Variants in EYA4 observed in about 807,000 individuals in gnomAD.
EYA4 encodes EYA transcriptional coactivator and phosphatase 4.
Under a neutral mutation model 87.9 loss-of-function variants are expected in EYA4, and 31 were observed. The observed-to-expected ratio is 0.35, with a 90% CI of 0.27 to 0.48. EYA4 has a LOEUF of 0.48. EYA4 is among the 20% of genes least tolerant of loss of function. EYA4 has a pLI of 0.99. For missense variants in EYA4, 678 were observed against 761.4 expected (o/e 0.89, Z 1.29); for synonymous variants, 263 against 270.6 (o/e 0.97, Z 0.28).
At chr6:133,412,954 C>T (rs1789371819) in intron 3 of EYA4, among the ~76,000 whole-genome samples, 1 of 152,186 alleles carries the variant, frequency 6.6e-6, no homozygotes, top group African/African-American at 2.4e-5. Context: ...CTCTCTTACA[C>T]TCCCTTCCAT....
At chr6:133,279,953 A>G (rs1159301891) in intron 2 of EYA4, among the ~76,000 whole-genome samples, 4 of 152,154 alleles carry the variant, frequency 2.6e-5, no homozygotes, top group African/African-American at 7.2e-5. Context: ...TTCTATTTTT[A>G]TAATGTGACA....
chr6:133,328,563 T>A (rs1781681364), intron 2 of EYA4, among the ~76,000 whole-genome samples: 1 of 152,156 alleles, frequency 6.6e-6, no homozygotes, highest in South Asian at 2.1e-4. Flanking sequence ...GAGAATAAAA[T>A]ATATGTAGAA....
At chr6:133,444,770 G>A (rs1475291191) in intron 3 of EYA4, among the ~76,000 whole-genome samples, 1 of 152,210 alleles carries the variant, frequency 6.6e-6, no homozygotes, top group Non-Finnish European at 1.5e-5. Context: ...AACACTCTCA[G>A]CAGCTATGGG....
chr6:133,253,391 A>G (rs573250919), intron 1 of EYA4, among the ~76,000 whole-genome samples: 20 of 152,148 alleles, frequency 1.3e-4, no homozygotes, highest in East Asian at 1.9e-4. Context: ...CAGAGGTTCT[A>G]TTTTTCCAAA....
intron 3 of EYA4, among the ~76,000 whole-genome samples, chr6:133,383,690 A>G (rs1786453154): frequency 6.6e-6 from 1 of 152,096 alleles, no homozygotes; most frequent in African/African-American, 2.4e-5. Context: ...AAATGATTGC[A>G]TATGGATTTT....
chr6:133,322,627 A>C (rs868277862), intron 2 of EYA4, among the ~76,000 whole-genome samples: 28 of 152,334 alleles, frequency 1.8e-4, no homozygotes, highest in Middle Eastern at 3.4e-3. Flanking sequence ...TTTTCCAAAA[A>C]ACAGCCAGAG....
intron 19 of EYA4, among the ~76,000 whole-genome samples, chr6:133,526,402 C>G (rs1365787651): frequency 6.6e-6 from 1 of 151,986 alleles, no homozygotes; most frequent in Non-Finnish European, 1.5e-5. Context: ...AAACAGTCAA[C>G]ATAGACAGTT....
At chr6:133,351,644 C>T (rs1007276046) in intron 2 of EYA4, among the ~76,000 whole-genome samples, 3 of 152,218 alleles carry the variant, frequency 2.0e-5, no homozygotes, top group Admixed American at 1.3e-4. Context: ...CAGTCCTCCA[C>T]TGCCTTTGTC....
intron 2 of EYA4, among the ~76,000 whole-genome samples, chr6:133,286,425 G>A (rs146739465): frequency 1.5e-4 from 23 of 152,292 alleles, no homozygotes; most frequent in Non-Finnish European, 3.2e-4. Flanking sequence ...AAAAGAATAA[G>A]TCTAGCTAGG....
intron 13 of EYA4, among the ~76,000 whole-genome samples, chr6:133,499,888 GA>G (rs993758628): frequency 8.9e-4 from 136 of 152,148 alleles, no homozygotes; most frequent in African/African-American, 3.0e-3. Context: ...AAGCACCACA[GA>G]GGCTTAACTC....
intron 2 of EYA4, among the ~76,000 whole-genome samples, chr6:133,309,814 G>A (rs116863045): frequency 6.6e-5 from 10 of 152,232 alleles, no homozygotes; most frequent in Admixed American, 1.3e-4. Flanking sequence ...TGTAATGTAC[G>A]GTCTGTCTGG....
intron 1 of EYA4, among the ~76,000 whole-genome samples, chr6:133,273,195 G>A (rs1582813151): frequency 6.6e-6 from 1 of 151,696 alleles, no homozygotes. Context: ...GGAGCAAGGA[G>A]AGCCAGTCCG....
intron 3 of EYA4, among the ~76,000 whole-genome samples, chr6:133,438,135 C>A (rs1791882743): frequency 6.6e-6 from 1 of 152,016 alleles, no homozygotes; most frequent in South Asian, 2.1e-4. Flanking sequence ...TTGCTGTATT[C>A]TTAGTAGCCA....
intron 14 of EYA4, among the ~76,000 whole-genome samples, chr6:133,510,928 A>C (rs897602723): frequency 6.6e-6 from 1 of 152,204 alleles, no homozygotes; most frequent in Non-Finnish European, 1.5e-5. Flanking sequence ...ATTGTGCCGT[A>C]AGTGGGGATG....
At chr6:133,398,805 A>G (rs956023811) in intron 3 of EYA4, among the ~76,000 whole-genome samples, 1 of 152,190 alleles carries the variant, frequency 6.6e-6, no homozygotes, top group Non-Finnish European at 1.5e-5. Flanking sequence ...TTGAAAAAAA[A>G]TTGCCAACAT....
intron 2 of EYA4, among the ~76,000 whole-genome samples, chr6:133,363,848 C>T (rs191824863): frequency 6.6e-6 from 1 of 152,264 alleles, no homozygotes; most frequent in Admixed American, 6.5e-5. Context: ...AAGGGAAGGG[C>T]CCAACAGGCC....
chr6:133,421,903 A>G (rs1790253013), intron 3 of EYA4, among the ~76,000 whole-genome samples: 1 of 152,220 alleles, frequency 6.6e-6, no homozygotes, highest in African/African-American at 2.4e-5. Flanking sequence ...AGAGTTCACT[A>G]TTCTCCATTA....
chr6:133,492,833 TA>T (rs952666183), intron 13 of EYA4, among the ~76,000 whole-genome samples: 5 of 151,828 alleles, frequency 3.3e-5, no homozygotes, highest in Admixed American at 6.6e-5. Context: ...GAATAAGAAA[TA>T]AAAAAGTAAT....
At chr6:133,388,400 C>G (rs933861770) in intron 3 of EYA4, among the ~76,000 whole-genome samples, 3 of 108,110 alleles carry the variant, frequency 2.8e-5, no homozygotes. Context: ...GAGTGAGACT[C>G]GGTCTCAAAA....
Sources: gnomAD v4.1 joint callset for allele counts (sites outside exome capture counted in the v4.1 genomes callset) on GRCh38, gnomAD v4.1.1 for gene constraint, MANE v1.5 for transcripts, NCBI Gene and HGNC (gene_info 2026-07-23, HGNC 2026-07-21) for gene names.